Variants in FRMPD1 observed in about 807,000 individuals in gnomAD.
The protein encoded by FRMPD1 is FERM and PDZ domain containing 1.
FRMPD1 carries 76 observed loss-of-function variants against 117.8 expected under a neutral mutation model. That is an observed-to-expected ratio of 0.65 (90% CI 0.54 to 0.78). The LOEUF is 0.78. Among genes scored for constraint, FRMPD1 ranks in the 30% least tolerant of loss-of-function variants. The probability of loss-of-function intolerance (pLI) is 0.00; values close to 1 mark genes in which losing one functional copy is unlikely to be tolerated. For missense variants in FRMPD1, 1,786 were observed against 1,964.5 expected (o/e 0.91, Z 1.72); for synonymous variants, 783 against 770.4 (o/e 1.02, Z -0.27).
chr9:37,730,620 A>G (rs1823827604), intron 8 of FRMPD1, among the ~76,000 whole-genome samples: 1 of 152,240 alleles, frequency 6.6e-6, no homozygotes, highest in Non-Finnish European at 1.5e-5. Flanking sequence ...AAGTTGTAGA[A>G]TGGTATGTAT....
At chr9:37,732,514 A>G in intron 10 of FRMPD1, 74 bp downstream of exon 10, 3 of 1,440,252 alleles carry the variant, frequency 2.1e-6, no homozygotes, top group Non-Finnish European at 2.8e-6. Context: ...CAGATGCCAC[A>G]GAAAGCTGAT....
the FRMPD1 span, chr9:37,637,334 T>G: frequency 2.1e-6 from 2 of 959,218 alleles, no homozygotes; most frequent in South Asian, 2.6e-5. Flanking sequence ...CAGTCGGCTC[T>G]GCTCCGCCTC....
chr9:37,672,580 C>A (rs1821390685), intron 1 of FRMPD1, among the ~76,000 whole-genome samples: 1 of 152,056 alleles, frequency 6.6e-6, no homozygotes, highest in South Asian at 2.1e-4. Context: ...GTGGGAAAAC[C>A]AAAGCACAAA....
chr9:37,637,519 T>G, the FRMPD1 span, among the ~76,000 whole-genome samples: 2 of 152,090 alleles, frequency 1.3e-5, no homozygotes, highest in South Asian at 4.2e-4. Flanking sequence ...TCCCTAAAAT[T>G]CCCCCTTGCT....
intron 1 of FRMPD1, among the ~76,000 whole-genome samples, chr9:37,678,475 G>T (rs1162569788): frequency 1.3e-5 from 2 of 151,828 alleles, no homozygotes; most frequent in Non-Finnish European, 2.9e-5. Context: ...TGGCCAAGCT[G>T]GTCTCAAACT....
the FRMPD1 span, among the ~76,000 whole-genome samples, chr9:37,637,541 C>T: frequency 1.3e-5 from 2 of 152,112 alleles, no homozygotes; most frequent in Non-Finnish European, 2.9e-5. Context: ...CTTCCCCTAA[C>T]CCCTACACTC....
chr9:37,684,862 T>C (rs999098465), intron 1 of FRMPD1, among the ~76,000 whole-genome samples: 1 of 152,120 alleles, frequency 6.6e-6, no homozygotes, highest in African/African-American at 2.4e-5. Context: ...CAGGTGATCC[T>C]CCTACCTTAG....
At chr9:37,649,813 C>T (rs2119346283), upstream of FRMPD1, among the ~76,000 whole-genome samples, 1 of 152,236 alleles carries the variant, frequency 6.6e-6, no homozygotes, top group African/African-American at 2.4e-5. Flanking sequence ...AGGAATTGGC[C>T]CCTGCTGACT....
intron 2 of FRMPD1, among the ~76,000 whole-genome samples, chr9:37,695,911 C>T (rs1402013085): frequency 6.6e-6 from 1 of 152,104 alleles, no homozygotes; most frequent in African/African-American, 2.4e-5. Context: ...GCTCCCAGCT[C>T]GACCCCACCC....
In FRMPD1 at chr9:37,745,397, C is replaced by G. The variant is rs758669449; in HGVS notation, c.3365C>G (p.Thr1122Ser). Residue 1122 changes from threonine (T) to serine (S), a missense_variant, in exon 16 of 16, where the codon ACC becomes AGC. Transcript: ENST00000377765. ...RDREVTNKNG[T>S]NVFQEESRKD... is the part of the protein sequence containing the mutation. ...AGAGAAGTTACAAACAAAAATGGCACCAACGTATTTCAGGAGGAGTCTAGG... is the reference window on the plus strand; with the variant it reads ...AGAGAAGTTACAAACAAAAATGGCAGCAACGTATTTCAGGAGGAGTCTAGG... 6.2e-7 allele frequency: 1 copy of G among 1,614,102 alleles called. No individual in the cohort carries two copies. Among genetic ancestry groups the G allele is most frequent in the Non-Finnish European group, 8.5e-7 (1 of 1,179,956 alleles).
chr9:37,717,305 AT>A (rs1823164531), intron 5 of FRMPD1, among the ~76,000 whole-genome samples: 5 of 113,858 alleles, frequency 4.4e-5, no homozygotes, highest in Admixed American at 8.3e-5. Context: ...AAAAAAAAAT[AT>A]ATATATATGT....
the FRMPD1 span, among the ~76,000 whole-genome samples, chr9:37,625,660 A>G: frequency 2.6e-5 from 4 of 152,214 alleles, no homozygotes; most frequent in Non-Finnish European, 4.4e-5. Flanking sequence ...AAGGACCTGG[A>G]AAAAATAGGT....
At chr9:37,717,341 A>ATGTGTG (rs59852335) in intron 5 of FRMPD1, among the ~76,000 whole-genome samples, 4,730 of 119,966 alleles carry the variant, frequency 0.039, 113 homozygotes, top group Middle Eastern at 0.075. Flanking sequence ...ATGTGTATAT[A>ATGTGTG]TGTGTGTGTG....
At chr9:37,723,994 G>GT (rs1823508150) in intron 6 of FRMPD1, among the ~76,000 whole-genome samples, 2 of 151,028 alleles carry the variant, frequency 1.3e-5, no homozygotes, top group Non-Finnish European at 3.0e-5. Context: ...GTGAGACTCT[G>GT]TCAAAAAAAA....
intron 7 of FRMPD1, among the ~76,000 whole-genome samples, chr9:37,725,222 G>C (rs3827514): frequency 0.33 from 50,062 of 152,076 alleles, 9,382 homozygotes; most frequent in Non-Finnish European, 0.44. Flanking sequence ...AGATAATATC[G>C]TATGGTGCTA....
In FRMPD1 at chr9:37,708,316, G is replaced by A. The variant is rs1822786369; in HGVS notation, c.260-83G>A. The stretch of plus-strand genomic sequence containing the variant: ...CAGTGCCCCTGGGAACTGGATCAGG[G>A]TGCCATTTAACTGTGCCGCTATTAC... On this transcript the variant is annotated intron_variant, in intron 3 of 15. Transcript: ENST00000377765. 1.6e-5 allele frequency: 13 copies of A among 797,682 alleles called. 1 individual carries two copies. The highest frequency in any genetic ancestry group is 2.6e-5 in the Non-Finnish European group (12 of 466,836). The allele number at this position is 797,682 out of a possible 1,614,324, so 49.4% of individuals were successfully genotyped here. A position where few individuals can be genotyped will look rare whatever the true frequency, so the allele number is the denominator to read the frequency against.
chr9:37,733,430 C>A (rs1823980428), intron 10 of FRMPD1, 43 bp from the exon 11 acceptor site: 1 of 1,595,674 alleles, frequency 6.3e-7, no homozygotes, highest in African/African-American at 1.4e-5. Flanking sequence ...GAGCCAAGTA[C>A]CCTGTAGAAA....
At chr9:37,638,428 G>A in the FRMPD1 span, among the ~76,000 whole-genome samples, 3 of 152,270 alleles carry the variant, frequency 2.0e-5, no homozygotes, top group East Asian at 5.8e-4. Flanking sequence ...TGTCTCTGTG[G>A]CCTGGAGAGC....
rs1554666693 is a variant in FRMPD1 at position 37,717,302 on chromosome 9, A to AT, written c.409-1767_409-1766insT. ...TCTTGGATTTTGCCGAGAAAAAAAAAATATATATATATGTATGTGTGTGTG... is the reference window on the plus strand; with the variant it reads ...TCTTGGATTTTGCCGAGAAAAAAAAATATATATATATATGTATGTGTGTGTG... On this transcript the variant is annotated intron_variant, in intron 5 of 15. Coordinates refer to ENST00000377765, the MANE Select transcript of FRMPD1 (RefSeq NM_014907.3). Among the ~76,000 whole-genome samples the AT allele has an allele frequency of 6.5e-3, 942 of 144,854 alleles. 11 individuals carry two copies. Among genetic ancestry groups the AT allele is most frequent in the African/African-American group, 0.021 (847 of 40,058 alleles).
Sources: allele counts gnomAD v4.1 joint callset (sites outside exome capture counted in the v4.1 genomes callset), GRCh38; gene constraint gnomAD v4.1.1; transcripts MANE v1.5; gene names NCBI Gene and HGNC (gene_info 2026-07-23, HGNC 2026-07-21).